Variants in GRAMD4 observed in about 807,000 individuals in gnomAD.
GRAMD4 encodes GRAM domain-containing protein 4.
A neutral mutation model predicts 83.9 loss-of-function variants in GRAMD4; 25 were observed. That is an observed-to-expected ratio of 0.30 (90% CI 0.22 to 0.42). The LOEUF (loss-of-function observed/expected upper bound fraction) is 0.42. GRAMD4 is among the 10% of genes least tolerant of loss of function. The probability of loss-of-function intolerance (pLI) is 1.00; values close to 1 mark genes in which losing one functional copy is unlikely to be tolerated. For missense variants in GRAMD4, 593 were observed against 788.7 expected, an observed-to-expected ratio of 0.75 and a Z score of 2.97; for synonymous variants, 336 against 320.9, an observed-to-expected ratio of 1.05 and a Z score of -0.50.
At position 46,621,744 on chromosome 22, in the gene GRAMD4, C is replaced by T. The variant is rs1350140958; in HGVS notation, c.-50+1179C>T. 6.6e-6 allele frequency among the ~76,000 whole-genome samples: 1 copy of T among 151,408 alleles called. No individual in the cohort carries two copies. ...CGCTGTGTCGCGGAGGGCACCCCTA[C>T]CCCGGTGCAGGCGCAGGCTGGAAGT... On this transcript the variant is annotated intron_variant, in intron 1 of 18. Transcript: ENST00000406902. The surrounding 1 kb of genome is among the most constrained non-coding windows in gnomAD (Gnocchi z 5.8).
At chr22:46,588,446 C>T (rs558472899) in intron 1 of GRAMD4, among the ~76,000 whole-genome samples, 4 of 152,276 alleles carry the variant, frequency 2.6e-5, no homozygotes, top group Admixed American at 6.5e-5. Flanking sequence ...GCACCCTCCC[C>T]GGGCGAGTGC....
chr22:46,632,537 A>T (rs2081790704), intron 2 of GRAMD4, among the ~76,000 whole-genome samples: 1 of 151,988 alleles, frequency 6.6e-6, no homozygotes, highest in African/African-American at 2.4e-5. Flanking sequence ...CAGGCCTCTG[A>T]CTCCAGCTCA....
intron 8 of GRAMD4, among the ~76,000 whole-genome samples, chr22:46,664,842 T>C (rs1032349790): frequency 6.6e-6 from 1 of 152,336 alleles, no homozygotes; most frequent in Admixed American, 6.5e-5. Flanking sequence ...AGCGGGCCCC[T>C]TGGGAGAGGT....
chr22:46,586,015 A>G (rs1016705510), intron 1 of GRAMD4, among the ~76,000 whole-genome samples: 2 of 151,988 alleles, frequency 1.3e-5, no homozygotes, highest in Non-Finnish European at 2.9e-5. Flanking sequence ...TCTCTGTGCT[A>G]TGGGGCTAGG....
intron 1 of GRAMD4, among the ~76,000 whole-genome samples, chr22:46,611,616 A>G (rs2081417702): frequency 6.6e-6 from 1 of 151,992 alleles, no homozygotes; most frequent in Admixed American, 6.6e-5. Flanking sequence ...ACACTCCGAG[A>G]AAGGCTTATT....
upstream of GRAMD4, among the ~76,000 whole-genome samples, chr22:46,617,765 G>A (rs890883593): frequency 3.3e-5 from 5 of 152,106 alleles, no homozygotes; most frequent in Non-Finnish European, 5.9e-5. Context: ...CCCTGGGCCC[G>A]CTCCCTGGCC....
intron 3 of GRAMD4, among the ~76,000 whole-genome samples, chr22:46,654,384 C>T (rs1329048730): frequency 6.6e-6 from 1 of 152,214 alleles, no homozygotes; most frequent in Non-Finnish European, 1.5e-5. Flanking sequence ...GGCACCCTCT[C>T]AGGGCAGGGT....
At chr22:46,600,350 G>A (rs2081300681) in intron 1 of GRAMD4, among the ~76,000 whole-genome samples, 1 of 152,122 alleles carries the variant, frequency 6.6e-6, no homozygotes, top group Non-Finnish European at 1.5e-5. Context: ...TGGGGCCAGG[G>A]GCCTGCGGTA....
At chr22:46,666,230 G>A (rs1367764817) in intron 9 of GRAMD4, among the ~76,000 whole-genome samples, 1 of 152,198 alleles carries the variant, frequency 6.6e-6, no homozygotes, top group Non-Finnish European at 1.5e-5. Context: ...GGAGGCTGAG[G>A]GGGGCTCTGG....
rs1369059257 is a variant in GRAMD4 at position 46,626,926 on chromosome 22, A to G, written c.127A>G (p.Thr43Ala). The G allele has an allele frequency of 6.2e-7, 1 of 1,613,930 alleles. No individual in the cohort carries two copies. Among genetic ancestry groups the G allele is most frequent in the Non-Finnish European group, 8.5e-7 (1 of 1,179,924 alleles). Residue 43 changes from threonine to alanine, a missense_variant, in exon 2 of 19, where the codon ACC (threonine) becomes GCC (alanine). This residue lies in a region of GRAMD4 where 312 missense variants were observed against 350.7 expected (regional missense o/e 0.89). Transcript: ENST00000406902. ...SDEIPLKVPR[T>A]SPRDSEELRD... Reference sequence around the variant, plus strand: ...CGAAATCCCCCTGAAGGTACCGCGGACCTCGCCCCGGGACAGCGAGGAGCT... The same window carrying G: ...CGAAATCCCCCTGAAGGTACCGCGGGCCTCGCCCCGGGACAGCGAGGAGCT...
chr22:46,587,679 AGG>A, intron 1 of GRAMD4, among the ~76,000 whole-genome samples: 1 of 152,038 alleles, frequency 6.6e-6, no homozygotes, highest in East Asian at 2.0e-4. Context: ...GGAGAAGCCT[AGG>A]CAGGCACACT....
At position 46,679,696 on chromosome 22, in the gene GRAMD4, A is replaced by AT. The variant is rs1316178463; in HGVS notation, c.*2452dup. 5 of 977,872 alleles carry AT rather than the reference A, an allele frequency of 5.1e-6. No individual in the cohort carries two copies. Among genetic ancestry groups the AT allele is most frequent in the Admixed American group, 1.2e-4 (2 of 16,256 alleles). 60.6% of individuals were successfully genotyped at this position (977,872 alleles called of 1,614,324 possible). On this transcript the variant is annotated 3_prime_UTR_variant, in exon 19 of 19. Coordinates refer to ENST00000406902, the MANE Select transcript of GRAMD4 (RefSeq NM_015124.5). The stretch of plus-strand genomic sequence containing the variant: ...CCGATGAAAAAAATTCTCCTGTAAC[A>AT]TTTTTTTAAGAAAACTTTGTTTGTT...
At chr22:46,587,119 G>A (rs1181948507) in intron 1 of GRAMD4, among the ~76,000 whole-genome samples, 1 of 152,184 alleles carries the variant, frequency 6.6e-6, no homozygotes, top group Non-Finnish European at 1.5e-5. Flanking sequence ...CCCTGATGAA[G>A]TAGATTATCC....
intron 18 of GRAMD4, 99 bp from the exon 19 acceptor site, chr22:46,677,048 G>C (rs143764743): frequency 1.4e-6 from 2 of 1,398,762 alleles, no homozygotes; most frequent in African/African-American, 2.9e-5. Flanking sequence ...CACGTGACTA[G>C]CGTGCTGGCC....
intron 2 of GRAMD4, among the ~76,000 whole-genome samples, chr22:46,630,002 T>G (rs1374777819): frequency 6.6e-6 from 1 of 151,962 alleles, no homozygotes; most frequent in East Asian, 1.9e-4. Flanking sequence ...TTTCATCATA[T>G]GGCCAGGCCA....
intron 1 of GRAMD4, among the ~76,000 whole-genome samples, chr22:46,613,731 C>G (rs951530884): frequency 6.6e-6 from 1 of 152,164 alleles, no homozygotes; most frequent in African/African-American, 2.4e-5. Flanking sequence ...AGAGATGGGC[C>G]CACCCCACCC....
intron 1 of GRAMD4, among the ~76,000 whole-genome samples, chr22:46,593,150 G>T (rs1022479686): frequency 6.6e-6 from 1 of 152,140 alleles, no homozygotes; most frequent in Non-Finnish European, 1.5e-5. Flanking sequence ...TTGATTTGCA[G>T]ACCTTTCCTC....
chr22:46,637,175 T>G (rs1359081852), intron 2 of GRAMD4, among the ~76,000 whole-genome samples: 1 of 151,974 alleles, frequency 6.6e-6, no homozygotes, highest in East Asian at 1.9e-4. Context: ...GCCAGCACAG[T>G]TCCAGGGTTT....
downstream of GRAMD4, among the ~76,000 whole-genome samples, chr22:46,681,902 T>C (rs2082673178): frequency 6.6e-6 from 1 of 152,178 alleles, no homozygotes; most frequent in African/African-American, 2.4e-5. Flanking sequence ...GGCAGCATTC[T>C]ATGGGCTTAT....
Sources: gnomAD v4.1 joint callset for allele counts (sites outside exome capture counted in the v4.1 genomes callset) on GRCh38, gnomAD v4.1.1 for gene constraint, gnomAD v4.1.1 regional missense constraint, Gnocchi (gnomAD v3.1) non-coding constraint, MANE v1.5 for transcripts, NCBI Gene and HGNC (gene_info 2026-07-23, HGNC 2026-07-21) for gene names.